Variants in CDH5 observed in about 807,000 individuals in gnomAD.
CDH5 encodes cadherin 5.
CDH5 carries 28 observed loss-of-function variants against 62.0 expected under a neutral mutation model. That is an observed-to-expected ratio of 0.45 (90% CI 0.33 to 0.62). The LOEUF (loss-of-function observed/expected upper bound fraction) is 0.62. CDH5 is among the 20% of genes least tolerant of loss of function. CDH5 has a pLI of 0.02. For synonymous variants in CDH5, 464 were observed against 445.8 expected, an observed-to-expected ratio of 1.04 and a Z score of -0.52; for missense variants, 940 against 1,065.1, an observed-to-expected ratio of 0.88 and a Z score of 1.63.
rs765410799 is a variant in CDH5, at chr16:66,404,713, T to C, written c.*1544T>C. 1.3e-4 allele frequency: 20 copies of C among 152,624 alleles called. No homozygotes were observed. Among genetic ancestry groups the C allele is most frequent in the Non-Finnish European group, 2.6e-4 (18 of 68,036 alleles). The allele number at this position is 152,624 out of a possible 1,614,324, so 9.5% of individuals were successfully genotyped here. A position where few individuals can be genotyped will look rare whatever the true frequency, so the allele number is the denominator to read the frequency against. ...TGCTCTACAGATAATGTCTATATAT[T>C]GGCCAAACTGGTGCATGACAAGTAC... On this transcript the variant is annotated 3_prime_UTR_variant, in exon 12 of 12. Transcript: ENST00000341529.
At position 66,398,520 on chromosome 16, in the gene CDH5, T is replaced by C. The variant is rs1049970; in HGVS notation, c.1550T>C (p.Ile517Thr). 0.7 allele frequency: 1,110,756 copies of C among 1,597,870 alleles called. 388,402 individuals are homozygous for C. Among genetic ancestry groups the C allele is most frequent in the Admixed American group, 0.84 (50,438 of 59,972 alleles). The change falls in exon 10 of 12, where the codon ATC becomes ACC. Residue 517 changes from isoleucine to threonine, a missense_variant. Coordinates refer to ENST00000341529, the MANE Select transcript of CDH5 (RefSeq NM_001795.5). ...CCACGAAACGTGAAGTTCAAATTCA[T>C]CTTGAATACTGAGAACAACTTTACC... ...ITPRNVKFKF[I>T]LNTENNFTLT...
At position 66,400,919 on chromosome 16, in the gene CDH5, G is replaced by A; in HGVS notation, c.1740G>A (p.Glu580=). 1.9e-6 allele frequency: 3 copies of A among 1,614,212 alleles called. No homozygotes were observed. Among genetic ancestry groups the A allele is most frequent in the African/African-American group, 1.3e-5 (1 of 75,072 alleles). ...CCGTGGCCGTGTGCAAGTGCAACGA[G>A]CAGGGCGAGTTCACCTTCTGCGAGG... ...TLTVAVCKCN[E]QGEFTFCEDM... is the part of the protein sequence containing the mutation. The change falls in exon 11 of 12, where the codon GAG becomes GAA. Residue 580 remains glutamate, a synonymous_variant. Transcript: ENST00000341529.
intron 7 of CDH5, among the ~76,000 whole-genome samples, chr16:66,393,443 C>T (rs1312955564): frequency 1.3e-5 from 2 of 152,212 alleles, no homozygotes; most frequent in African/African-American, 2.4e-5. Context: ...GGGAAGCAGG[C>T]ACGTCTTACA....
At position 66,402,753 on chromosome 16, in the gene CDH5, G is replaced by T. The variant is rs1162755551; in HGVS notation, c.1939G>T (p.Glu647Ter). 6.2e-7 allele frequency: 1 copy of T among 1,609,186 alleles called. No homozygotes were observed. The highest frequency in any genetic ancestry group is 8.5e-7 in the Non-Finnish European group (1 of 1,178,642). ...EIHEQLVTYD[E>*]EGGGEMDTTS... ...CCACGAGCAGCTGGTCACCTACGAC[G>T]AGGAGGGCGGCGGCGAGATGGACAC... Residue 647 changes from glutamate (E) to a stop codon, truncating the protein, a stop_gained, in exon 12 of 12, where the codon GAG (glutamate) becomes TAG (stop). Coordinates refer to ENST00000341529, the MANE Select transcript of CDH5 (RefSeq NM_001795.5). LOFTEE classifies it low-confidence loss of function (END_TRUNC).
chr16:66,390,683 C>T (rs748598277), intron 6 of CDH5, 93 bp downstream of exon 6: 81 of 1,164,542 alleles, frequency 7.0e-5, no homozygotes, highest in Non-Finnish European at 9.4e-5. Flanking sequence ...GGCCAGAGAC[C>T]ATCAAAGGAC....
At chr16:66,368,033 A>C (rs899830185) in intron 1 of CDH5, among the ~76,000 whole-genome samples, 1 of 152,160 alleles carries the variant, frequency 6.6e-6, no homozygotes, top group African/African-American at 2.4e-5. Context: ...GGTACGAGGA[A>C]GGGGGTGCAA....
At chr16:66,378,485 G>C (rs915037949) in intron 1 of CDH5, among the ~76,000 whole-genome samples, 12 of 152,152 alleles carry the variant, frequency 7.9e-5, no homozygotes, top group Non-Finnish European at 1.3e-4. Flanking sequence ...AACAGTGCCA[G>C]GCAAAAAATA....
rs988332150 is a variant in CDH5 at position 66,403,134 on chromosome 16, T to C, written c.2320T>C (p.Tyr774His). 1.2e-6 allele frequency: 2 copies of C among 1,613,190 alleles called. No individual in the cohort carries two copies. The highest frequency in any genetic ancestry group is 1.1e-5 in the South Asian group (1 of 90,970). ...CAGGTTTAAGATGCTGGCTGAGCTGTACGGCTCGGACCCCCGGGAGGAGCT... is the reference window on the plus strand; with the variant it reads ...CAGGTTTAAGATGCTGGCTGAGCTGCACGGCTCGGACCCCCGGGAGGAGCT... ...GPRFKMLAEL[Y>H]GSDPREELLY The change falls in exon 12 of 12, where the codon TAC becomes CAC. Residue 774 changes from tyrosine (Y) to histidine (H), a missense_variant. Transcript: ENST00000341529. This position sits in a 1 kb window ranked among gnomAD's most constrained non-coding sequence, Gnocchi z 4.3.
chr16:66,394,251 T>C (rs542508102), intron 7 of CDH5, among the ~76,000 whole-genome samples: 1 of 152,340 alleles, frequency 6.6e-6, no homozygotes, highest in East Asian at 1.9e-4. Context: ...ATTTTGCCTT[T>C]AATTCTGTTT....
rs780307634 is a variant in CDH5, at chr16:66,402,758, G to A, written c.1944G>A (p.Glu648=). The change falls in exon 12 of 12, where the codon GAG becomes GAA. Residue 648 remains glutamate, a synonymous_variant. Coordinates refer to ENST00000341529, the MANE Select transcript of CDH5 (RefSeq NM_001795.5). ...AGCAGCTGGTCACCTACGACGAGGAGGGCGGCGGCGAGATGGACACCACCA... is the reference window on the plus strand; with the variant it reads ...AGCAGCTGGTCACCTACGACGAGGAAGGCGGCGGCGAGATGGACACCACCA... The part of the protein sequence containing the change: ...IHEQLVTYDE[E]GGGEMDTTSY... 1.2e-6 allele frequency: 2 copies of A among 1,608,534 alleles called. No individual in the cohort carries two copies. The highest frequency in any genetic ancestry group is 2.2e-5 in the East Asian group (1 of 44,634).
intron 1 of CDH5, chr16:66,377,148 C>T (rs1596928812): frequency 6.6e-6 from 1 of 152,232 alleles, no homozygotes; most frequent in African/African-American, 2.4e-5. Context: ...GAGGCTGGGG[C>T]AGGGGTCATG....
At chr16:66,395,016 A>ATTTT (rs1567467147) in intron 7 of CDH5, among the ~76,000 whole-genome samples, 1 of 19,950 alleles carries the variant, frequency 5.0e-5, no homozygotes, top group African/African-American at 1.6e-4. Context: ...CACCAGGCTA[A>ATTTT]TCTTTTTTTT....
intron 1 of CDH5, among the ~76,000 whole-genome samples, chr16:66,378,931 T>G (rs983252398): frequency 6.6e-6 from 1 of 152,158 alleles, no homozygotes; most frequent in Non-Finnish European, 1.5e-5. Flanking sequence ...GGCCACCATA[T>G]ATGGGCGATC....
In CDH5 at chr16:66,403,154, G is replaced by A. The variant is rs766546446; in HGVS notation, c.2340G>A (p.Glu780=). 1.9e-6 allele frequency: 3 copies of A among 1,611,730 alleles called. No individual in the cohort carries two copies. The highest frequency in any genetic ancestry group is 1.7e-5 in the Admixed American group (1 of 59,846). The change falls in exon 12 of 12, where the codon GAG becomes GAA. Residue 780 remains glutamate, a synonymous_variant. Transcript: ENST00000341529. The surrounding 1 kb of genome is among the most constrained non-coding windows in gnomAD (Gnocchi z 4.3). ...LAELYGSDPR[E]ELLY ...AGCTGTACGGCTCGGACCCCCGGGA[G>A]GAGCTGCTGTATTAGGCGGCCGAGG...
intron 2 of CDH5, 73 bp from the exon 3 acceptor site, chr16:66,386,736 C>A: frequency 7.4e-7 from 1 of 1,358,470 alleles, no homozygotes; most frequent in Non-Finnish European, 1.0e-6. Flanking sequence ...CCTGTGTACA[C>A]ACACTCTCAC....
intron 1 of CDH5, among the ~76,000 whole-genome samples, chr16:66,374,803 T>C (rs923457529): frequency 2.6e-5 from 4 of 152,166 alleles, no homozygotes; most frequent in Non-Finnish European, 5.9e-5. Context: ...ATTTATTTAT[T>C]TTTTATTAGT....
At chr16:66,384,212 G>A (rs1960945055) in intron 2 of CDH5, among the ~76,000 whole-genome samples, 1 of 149,972 alleles carries the variant, frequency 6.7e-6, no homozygotes, top group African/African-American at 2.5e-5. Context: ...AGCCTCCCAA[G>A]TAGCTGAGAC....
In CDH5 at chr16:66,386,931, G is replaced by A. The variant is rs1356505030; in HGVS notation, c.333G>A (p.Glu111=). ...TCGCCATTGAGAGGCTGGACCGGGAGAATATCTCAGAGTACCACCTCACTG... is the reference window on the plus strand; with the variant it reads ...TCGCCATTGAGAGGCTGGACCGGGAAAATATCTCAGAGTACCACCTCACTG... ...DVFAIERLDR[E]NISEYHLTAV... The change falls in exon 3 of 12, where the codon GAG becomes GAA. Residue 111 remains glutamate, a synonymous_variant. Coordinates refer to ENST00000341529, the MANE Select transcript of CDH5 (RefSeq NM_001795.5). The A allele has an allele frequency of 1.2e-6, 2 of 1,614,244 alleles. No homozygotes were observed. Among genetic ancestry groups the A allele is most frequent in the Admixed American group, 1.7e-5 (1 of 60,034 alleles).
chr16:66,379,526 A>T lies in CDH5; in HGVS notation c.189A>T (p.Ser63=), dbSNP rs780746606. The change falls in exon 2 of 12, where the codon TCA becomes TCT. Residue 63 remains serine (S), a synonymous_variant. Coordinates refer to ENST00000341529, the MANE Select transcript of CDH5 (RefSeq NM_001795.5). ...QMHIDEEKNT[S]LPHHVGKIKS... is the part of the protein sequence containing the mutation. The stretch of plus-strand genomic sequence containing the variant: ...ACATTGATGAAGAGAAAAACACCTC[A>T]CTTCCCCATCATGTAGGCAAGGTAA... 1.4e-5 allele frequency: 23 copies of T among 1,614,024 alleles called. No individual in the cohort carries two copies. The highest frequency in any genetic ancestry group is 1.8e-5 in the Non-Finnish European group (21 of 1,180,008).
Sources: allele counts gnomAD v4.1 joint callset (sites outside exome capture counted in the v4.1 genomes callset), GRCh38; gene constraint gnomAD v4.1.1; non-coding constraint Gnocchi (gnomAD v3.1); transcripts MANE v1.5; gene names NCBI Gene and HGNC (gene_info 2026-07-23, HGNC 2026-07-21).